DCDC2C: variants seen among roughly 807,000 people sequenced by gnomAD.
The protein encoded by DCDC2C is doublecortin domain containing 2C, also known as doublecortin domain-containing protein 2C.
Under a neutral mutation model 45.0 loss-of-function variants are expected in DCDC2C, and 44 were observed. The ratio of observed to expected loss-of-function variants is 0.98; its 90% CI spans 0.77 to 1.26. The LOEUF is 1.26. DCDC2C is among the 50% of genes most tolerant of loss of function. The probability of loss-of-function intolerance (pLI) is 0.00; values close to 1 mark genes in which losing one functional copy is unlikely to be tolerated. For missense variants in DCDC2C, 447 were observed against 468.9 expected (o/e 0.95, Z 0.43); for synonymous variants, 187 against 178.8 (o/e 1.05, Z -0.37).
intron 2 of DCDC2C, among the ~76,000 whole-genome samples, chr2:3,710,573 C>T (rs985765331): frequency 2.0e-5 from 3 of 152,194 alleles, no homozygotes; most frequent in Non-Finnish European, 4.4e-5. Context: ...TATTCGGTCA[C>T]CCAGGCAGTG....
At chr2:3,813,478 CGTT>C (rs1228655099) in intron 10 of DCDC2C, among the ~76,000 whole-genome samples, 1 of 151,978 alleles carries the variant, frequency 6.6e-6, no homozygotes, top group African/African-American at 2.4e-5. Flanking sequence ...TTTTCTGTCT[CGTT>C]GATCTGTTTA....
chr2:3,724,411 C>T (rs959731891), intron 2 of DCDC2C, among the ~76,000 whole-genome samples: 1 of 152,140 alleles, frequency 6.6e-6, no homozygotes, highest in Non-Finnish European at 1.5e-5. Context: ...TCTTCCAAAG[C>T]CCCCATGAGA....
chr2:3,735,349 G>T (rs1472148980), intron 3 of DCDC2C, among the ~76,000 whole-genome samples: 2 of 151,526 alleles, frequency 1.3e-5, no homozygotes, highest in Non-Finnish European at 2.9e-5. Flanking sequence ...GTGCCATGTT[G>T]GTGTGCTGCA....
chr2:3,804,967 A>G (rs1338404318), intron 10 of DCDC2C, among the ~76,000 whole-genome samples: 1 of 152,228 alleles, frequency 6.6e-6, no homozygotes, highest in Non-Finnish European at 1.5e-5. Context: ...GTAGGAGATG[A>G]ATGTGAACAC....
chr2:3,753,488 T>C (rs1455653200), intron 5 of DCDC2C, among the ~76,000 whole-genome samples: 1 of 152,196 alleles, frequency 6.6e-6, no homozygotes, highest in African/African-American at 2.4e-5. Context: ...CTGACGGGTG[T>C]GTTTGAAATG....
chr2:3,718,655 C>T (rs1443867997), intron 2 of DCDC2C, among the ~76,000 whole-genome samples: 1 of 152,250 alleles, frequency 6.6e-6, no homozygotes, highest in Admixed American at 6.5e-5. Context: ...ATGCAGTTAA[C>T]ACTGGAAATG....
At chr2:3,738,540 GAAAAA>G (rs60799536) in intron 3 of DCDC2C, among the ~76,000 whole-genome samples, 1 of 71,978 alleles carries the variant, frequency 1.4e-5, no homozygotes, top group African/African-American at 5.5e-5. Flanking sequence ...GTCTATCTGG[GAAAAA>G]AAAAAAAAAA....
chr2:3,719,102 T>C (rs1668425482), intron 2 of DCDC2C, among the ~76,000 whole-genome samples: 2 of 152,028 alleles, frequency 1.3e-5, no homozygotes, highest in South Asian at 2.1e-4. Context: ...TTTTTTTTTT[T>C]TGGGATGGAG....
At chr2:3,806,396 A>G (rs957864066) in intron 10 of DCDC2C, among the ~76,000 whole-genome samples, 3 of 152,180 alleles carry the variant, frequency 2.0e-5, no homozygotes, top group African/African-American at 7.2e-5. Context: ...TGCAGCAGAG[A>G]GGGAAACAGA....
intron 3 of DCDC2C, among the ~76,000 whole-genome samples, chr2:3,737,244 A>G (rs901220905): frequency 1.4e-4 from 21 of 152,164 alleles, no homozygotes; most frequent in Admixed American, 1.2e-3. Context: ...CCCGAAGACC[A>G]TGGCTTCTGA....
Position 3,746,640 on chromosome 2 carries a change from G to A in DCDC2C, c.545+4592G>A, listed in dbSNP as rs114675728. On this transcript the variant is annotated intron_variant, in intron 4 of 10. Coordinates refer to ENST00000399143, the MANE Select transcript of DCDC2C (RefSeq NM_001287444.2). The stretch of plus-strand genomic sequence containing the variant: ...TGCACCGTACACTATTCTAGGAGCC[G>A]GGAGGTGATAAACAATCAAACAAAA... Among the ~76,000 whole-genome samples the A allele has an allele frequency of 5.5e-3, 840 of 152,278 alleles. 7 individuals are homozygous for A. The highest frequency in any genetic ancestry group is 0.019 in the African/African-American group (797 of 41,550).
intron 4 of DCDC2C, among the ~76,000 whole-genome samples, chr2:3,751,345 C>A (rs990336289): frequency 6.6e-6 from 1 of 152,232 alleles, no homozygotes; most frequent in Non-Finnish European, 1.5e-5. Context: ...CAGGCCCCAG[C>A]GGGAGGAGAA....
At chr2:3,754,713 G>T in intron 6 of DCDC2C, 79 bp downstream of exon 6, 1 of 1,287,878 alleles carries the variant, frequency 7.8e-7, no homozygotes. Context: ...CACAGCGCAG[G>T]GTGACGGCCC....
Position 3,704,009 on chromosome 2 carries a change from G to C in DCDC2C, c.258G>C (p.Ala86=). The C allele has an allele frequency of 7.8e-7, 1 of 1,285,210 alleles. No homozygotes were observed. Among genetic ancestry groups the C allele is most frequent in the Non-Finnish European group, 9.8e-7 (1 of 1,015,604 alleles). 79.6% of individuals were successfully genotyped at this position (1,285,210 alleles called of 1,614,324 possible). The change falls in exon 1 of 11, where the codon GCG becomes GCC. Residue 86 remains alanine (A), a synonymous_variant. Transcript: ENST00000399143. ...TGCAGGCGGGCGGCAAGTACGTGGC[G>C]GCGGGCCGCGAGCGCTTCAAGGAGC... ...DALQAGGKYV[A]AGRERFKELD... is the part of the protein sequence containing the mutation.
At position 3,757,168 on chromosome 2, in the gene DCDC2C, C is replaced by T. The variant is rs190573502; in HGVS notation, c.726+2534C>T. Among the ~76,000 whole-genome samples the T allele has an allele frequency of 6.6e-5, 10 of 152,326 alleles. No homozygotes were observed. The East Asian group carries it at 1.7e-3, about 26-fold the overall frequency. ...TGGAATTTATGATGATTTGCAGCAACTTAGCCATTTATGATAAATGTGTTT... is the reference window on the plus strand; with the variant it reads ...TGGAATTTATGATGATTTGCAGCAATTTAGCCATTTATGATAAATGTGTTT... On this transcript the variant is annotated intron_variant, in intron 6 of 10. Transcript: ENST00000399143.
chr2:3,761,766 G>A lies in DCDC2C; in HGVS notation c.727-5988G>A, dbSNP rs1669886710. On this transcript the variant is annotated intron_variant, in intron 6 of 10. Transcript: ENST00000399143. The surrounding 1 kb of genome is among the most constrained non-coding windows in gnomAD (Gnocchi z 4.3). ...TGAGGATGGACTGACTCTGAAATAG[G>A]TTGTTACTGTCCTTCAATTAGACAA... Among the ~76,000 whole-genome samples, 1 of 152,180 alleles carries A rather than the reference G, an allele frequency of 6.6e-6. No individual in the cohort carries two copies. Among genetic ancestry groups the A allele is most frequent in the Non-Finnish European group, 1.5e-5 (1 of 68,030 alleles).
At position 3,739,392 on chromosome 2, in the gene DCDC2C, T is replaced by C. The variant is rs531867637; in HGVS notation, c.417-2528T>C. On this transcript the variant is annotated intron_variant, in intron 3 of 10. Transcript: ENST00000399143. ...AATGTTGCATTTCCCAAGACCACCCTTGGCCTGCCACGCCCCCATCCTGTG... is the reference window on the plus strand; with the variant it reads ...AATGTTGCATTTCCCAAGACCACCCCTGGCCTGCCACGCCCCCATCCTGTG... 3.9e-4 allele frequency among the ~76,000 whole-genome samples: 37 copies of C among 96,016 alleles called. No homozygotes were observed. In the East Asian group the frequency reaches 0.01, roughly 26 times the overall value. The allele number at this position is 96,016 out of a possible 152,430, so 63.0% of individuals were successfully genotyped here.
intron 10 of DCDC2C, among the ~76,000 whole-genome samples, chr2:3,798,250 G>T (rs1671015451): frequency 1.3e-5 from 2 of 151,630 alleles, no homozygotes; most frequent in African/African-American, 4.9e-5. Flanking sequence ...CTTTTGTTTT[G>T]AGCCTATGTG....
intron 2 of DCDC2C, among the ~76,000 whole-genome samples, chr2:3,711,307 A>G (rs943130691): frequency 6.6e-6 from 1 of 152,186 alleles, no homozygotes; most frequent in Admixed American, 6.5e-5. Flanking sequence ...ACCCAAGGGA[A>G]TATAAATCAT....
Sources: gnomAD v4.1 joint callset for allele counts (sites outside exome capture counted in the v4.1 genomes callset) on GRCh38, gnomAD v4.1.1 for gene constraint, Gnocchi (gnomAD v3.1) non-coding constraint, MANE v1.5 for transcripts, NCBI Gene and HGNC (gene_info 2026-07-23, HGNC 2026-07-21) for gene names.